The following SLC9A9 variants were observed in gnomAD, a reference collection of about 807,000 sequenced individuals.
The protein encoded by SLC9A9 is sodium/hydrogen exchanger 9.
SLC9A9 carries 62 observed loss-of-function variants against 77.8 expected under a neutral mutation model. That is an observed-to-expected ratio of 0.80 (90% CI 0.65 to 0.98). The LOEUF is 0.98. SLC9A9 is among the 50% of genes least tolerant of loss of function. The probability of loss-of-function intolerance (pLI) is 0.00; values close to 1 mark genes in which losing one functional copy is unlikely to be tolerated. For missense variants in SLC9A9, 775 were observed against 774.9 expected, an observed-to-expected ratio of 1.00 and a Z score of 0.00; for synonymous variants, 320 against 283.5, an observed-to-expected ratio of 1.13 and a Z score of -1.29.
intron 5 of SLC9A9, among the ~76,000 whole-genome samples, chr3:143,667,317 T>C (rs2039085323): frequency 6.6e-6 from 1 of 152,176 alleles, no homozygotes; most frequent in African/African-American, 2.4e-5. Flanking sequence ...TTACACCTTA[T>C]ACAAAAATTA....
intron 12 of SLC9A9, among the ~76,000 whole-genome samples, chr3:143,426,340 C>T (rs1408225354): frequency 6.6e-6 from 1 of 152,150 alleles, no homozygotes; most frequent in Non-Finnish European, 1.5e-5. Context: ...TTAATCAACC[C>T]TTTTATATTC....
intron 14 of SLC9A9, among the ~76,000 whole-genome samples, chr3:143,298,627 T>A (rs1264958320): frequency 2.0e-5 from 3 of 152,364 alleles, no homozygotes; most frequent in Admixed American, 6.5e-5. Context: ...CAAGTATAGC[T>A]GAACTATTTC....
intron 12 of SLC9A9, among the ~76,000 whole-genome samples, chr3:143,455,075 T>G (rs1036590297): frequency 6.6e-6 from 1 of 152,222 alleles, no homozygotes; most frequent in Non-Finnish European, 1.5e-5. Flanking sequence ...ATGCAAGTCA[T>G]GTGTATCAGG....
intron 6 of SLC9A9, among the ~76,000 whole-genome samples, chr3:143,644,590 C>G (rs142910491): frequency 6.6e-6 from 1 of 152,070 alleles, no homozygotes; most frequent in Non-Finnish European, 1.5e-5. Context: ...GGCAGCACAC[C>G]GAGCACACAA....
intron 6 of SLC9A9, among the ~76,000 whole-genome samples, chr3:143,630,778 T>G (rs1346435689): frequency 6.6e-6 from 1 of 152,168 alleles, no homozygotes; most frequent in African/African-American, 2.4e-5. Flanking sequence ...ACAGTATATT[T>G]CTTTGGAAAT....
At chr3:143,594,549 G>A (rs1172045098) in intron 6 of SLC9A9, among the ~76,000 whole-genome samples, 1 of 152,130 alleles carries the variant, frequency 6.6e-6, no homozygotes, top group Non-Finnish European at 1.5e-5. Context: ...GGTTGATCTG[G>A]TTCCAAGCTC....
chr3:143,743,434 G>T (rs962038753), intron 4 of SLC9A9, among the ~76,000 whole-genome samples: 1 of 152,158 alleles, frequency 6.6e-6, no homozygotes, highest in Non-Finnish European at 1.5e-5. Context: ...AATAGGCAAA[G>T]GATAAAGGCC....
intron 5 of SLC9A9, among the ~76,000 whole-genome samples, chr3:143,670,554 G>A (rs1057124038): frequency 2.0e-5 from 3 of 152,178 alleles, no homozygotes; most frequent in African/African-American, 7.2e-5. Context: ...TGCAGGTGAC[G>A]TCGTCTGTGG....
At chr3:143,374,011 T>C (rs1291952271) in intron 13 of SLC9A9, among the ~76,000 whole-genome samples, 1 of 152,098 alleles carries the variant, frequency 6.6e-6, no homozygotes, top group Non-Finnish European at 1.5e-5. Flanking sequence ...ACTAGGCATA[T>C]AAGAATCAAA....
intron 1 of SLC9A9, among the ~76,000 whole-genome samples, chr3:143,839,616 A>G (rs1212574995): frequency 1.3e-5 from 2 of 152,098 alleles, no homozygotes; most frequent in Non-Finnish European, 2.9e-5. Context: ...AGCACATACA[A>G]ACACAACACA....
In SLC9A9 at chr3:143,832,024, C is replaced by A; in HGVS notation, c.373G>T (p.Glu125Ter). The change falls in exon 2 of 16, where the codon GAA (glutamate) becomes TAA (stop). Residue 125 changes from glutamate to a stop codon, truncating the protein, a stop_gained. Coordinates refer to ENST00000316549, the MANE Select transcript of SLC9A9 (RefSeq NM_173653.4). LOFTEE classifies it high-confidence loss of function. Reference sequence around the variant, plus strand: ...ATACCAGACAGGATCCTTACCTTTTCAAGTATAGCATTTCCTTGATGAGGA... The same window carrying A: ...ATACCAGACAGGATCCTTACCTTTTAAAGTATAGCATTTCCTTGATGAGGA... ...INPHQGNAIL[E>*]KMTFDPEIFF... 1 of 1,611,140 alleles carries A rather than the reference C, an allele frequency of 6.2e-7. No homozygotes were observed. The highest frequency in any genetic ancestry group is 8.5e-7 in the Non-Finnish European group (1 of 1,178,316).
At position 143,417,596 on chromosome 3, in the gene SLC9A9, CCT is replaced by C. The variant is rs945556191; in HGVS notation, c.1470-35484_1470-35483del. On this transcript the variant is annotated intron_variant, in intron 12 of 15. Transcript: ENST00000316549. ...AGAGAGAGAGAGGGAGAGATCAGCCCCTGTCTCTCCACATGGAAGCACCAAGA... is the reference window on the plus strand; with the variant it reads ...AGAGAGAGAGAGGGAGAGATCAGCCCGTCTCTCCACATGGAAGCACCAAGA... Among the ~76,000 whole-genome samples, 10 of 151,596 alleles carry C rather than the reference CCT, an allele frequency of 6.6e-5. No individual in the cohort carries two copies. In the East Asian group the frequency reaches 7.8e-4, roughly 12 times the overall value.
At chr3:143,821,854 A>G (rs2009173270) in intron 2 of SLC9A9, among the ~76,000 whole-genome samples, 2 of 152,202 alleles carry the variant, frequency 1.3e-5, no homozygotes, top group South Asian at 2.1e-4. Flanking sequence ...CTCATCATCT[A>G]GGTACTGTTC....
chr3:143,401,035 AC>A (rs2033843984), intron 12 of SLC9A9, among the ~76,000 whole-genome samples: 1 of 151,466 alleles, frequency 6.6e-6, no homozygotes, highest in Non-Finnish European at 1.5e-5. Context: ...CATCTACTCT[AC>A]CCCCTTTTCT....
At chr3:143,417,497 G>A (rs1446061611) in intron 12 of SLC9A9, among the ~76,000 whole-genome samples, 1 of 148,570 alleles carries the variant, frequency 6.7e-6, no homozygotes, top group Admixed American at 6.7e-5. Flanking sequence ...GGGGGAGAGG[G>A]AGGGAGGAGG....
chr3:143,524,630 C>G (rs1229948426), intron 9 of SLC9A9, among the ~76,000 whole-genome samples: 1 of 152,062 alleles, frequency 6.6e-6, no homozygotes, highest in Non-Finnish European at 1.5e-5. Context: ...ATCATTATGA[C>G]TAATTTGTTT....
At chr3:143,363,817 G>A (rs1431108528) in intron 13 of SLC9A9, among the ~76,000 whole-genome samples, 1 of 152,090 alleles carries the variant, frequency 6.6e-6, no homozygotes, top group Non-Finnish European at 1.5e-5. Context: ...GCTAAGAAAT[G>A]CTATTTTGAC....
intron 9 of SLC9A9, among the ~76,000 whole-genome samples, chr3:143,544,269 C>T (rs969858119): frequency 2.6e-5 from 4 of 152,132 alleles, no homozygotes; most frequent in African/African-American, 9.7e-5. Flanking sequence ...CTCTGTCGCC[C>T]AGGCTGGAGT....
chr3:143,790,194 G>GT (rs2008178104), intron 4 of SLC9A9, among the ~76,000 whole-genome samples: 1 of 152,150 alleles, frequency 6.6e-6, no homozygotes. Flanking sequence ...TGCCATGATT[G>GT]TAAGTTTCCT....
Sources: gnomAD v4.1 joint callset for allele counts (sites outside exome capture counted in the v4.1 genomes callset) on GRCh38, gnomAD v4.1.1 for gene constraint, MANE v1.5 for transcripts, NCBI Gene and HGNC (gene_info 2026-07-23, HGNC 2026-07-21) for gene names.